Variants in SYNDIG1L observed in about 807,000 individuals in gnomAD.
SYNDIG1L encodes synapse differentiation inducing 1 like, also known as synapse differentiation-inducing gene protein 1-like.
A neutral mutation model predicts 20.1 loss-of-function variants in SYNDIG1L; 13 were observed. The ratio of observed to expected loss-of-function variants is 0.65; its 90% CI spans 0.42 to 1.03. The LOEUF (loss-of-function observed/expected upper bound fraction) is 1.03, where lower values mean the gene tolerates loss of function less well. Ranked by LOEUF, SYNDIG1L falls within the 50% of genes least tolerant of loss-of-function variation. The pLI is 0.00. For synonymous variants in SYNDIG1L, 128 were observed against 129.3 expected (o/e 0.99, Z 0.07); for missense variants, 294 against 305.1 (o/e 0.96, Z 0.27).
chr14:74,427,118 C>CT (rs34437070), upstream of SYNDIG1L, among the ~76,000 whole-genome samples: 4,120 of 116,718 alleles, frequency 0.035, 215 homozygotes, highest in East Asian at 0.12. Context: ...CCTGCGTTTC[C>CT]TTTTTTTTTT....
Position 74,409,580 on chromosome 14 carries a change from C to T in SYNDIG1L, c.165G>A (p.Leu55=). Residue 55 remains leucine, a synonymous_variant, in exon 2 of 4, where the codon CTG becomes CTA. Transcript: ENST00000331628. ...CGGCCAGCTGCAGGGACCCTGGGTC[C>T]AGGAGCTGGTGGGCTCCGGCAGGCC... is the stretch of plus-strand genomic sequence containing the variant. ...GAGPAGAHQL[L]DPGSLQLAVE... The T allele has an allele frequency of 6.6e-7, 1 of 1,512,918 alleles. No homozygotes were observed. The highest frequency in any genetic ancestry group is 8.8e-7 in the Non-Finnish European group (1 of 1,131,658). The allele number at this position is 1,512,918 out of a possible 1,614,324, so 93.7% of individuals were successfully genotyped here.
At chr14:74,458,261 T>C in the SYNDIG1L span, among the ~76,000 whole-genome samples, 74 of 152,136 alleles carry the variant, frequency 4.9e-4, no homozygotes, top group Admixed American at 8.5e-4. Flanking sequence ...TCAAATATGA[T>C]TGCCCCTAAG....
At chr14:74,431,616 C>T in the SYNDIG1L span, among the ~76,000 whole-genome samples, 14 of 151,974 alleles carry the variant, frequency 9.2e-5, no homozygotes, top group Admixed American at 8.5e-4. Context: ...GATTTGAAGC[C>T]GGGTCTGTGT....
the SYNDIG1L span, among the ~76,000 whole-genome samples, chr14:74,471,319 CA>C: frequency 6.6e-6 from 1 of 152,070 alleles, no homozygotes; most frequent in Non-Finnish European, 1.5e-5. Flanking sequence ...ATTAACAGGC[CA>C]GGCATGGTGG....
Position 74,407,685 on chromosome 14 carries a change from C to T in SYNDIG1L, c.567G>A (p.Lys189=), listed in dbSNP as rs371961394. Residue 189 remains lysine, a synonymous_variant, in exon 4 of 4, where the codon AAG becomes AAA. Transcript: ENST00000331628. The part of the protein sequence containing the change: ...AAFYFSQGTS[K]AISKGDFRLA... The stretch of plus-strand genomic sequence containing the variant: ...GGCGGAAGTCCCCTTTGGAGATGGC[C>T]TTGCTGGTCTAGGGAGAGAGACATG... 1.2e-6 allele frequency: 2 copies of T among 1,605,912 alleles called. No individual in the cohort carries two copies. Among genetic ancestry groups the T allele is most frequent in the African/African-American group, 1.3e-5 (1 of 74,850 alleles).
At chr14:74,415,664 C>G (rs2086168465) in intron 1 of SYNDIG1L, among the ~76,000 whole-genome samples, 2 of 152,036 alleles carry the variant, frequency 1.3e-5, no homozygotes, top group Non-Finnish European at 2.9e-5. Context: ...CTCAACCTCC[C>G]AGGTAGCTGG....
intron 1 of SYNDIG1L, among the ~76,000 whole-genome samples, chr14:74,413,148 A>G (rs542408645): frequency 1.3e-5 from 2 of 152,252 alleles, no homozygotes; most frequent in South Asian, 2.1e-4. Flanking sequence ...TCTTCCCCCT[A>G]TTCCCCCATC....
the SYNDIG1L span, chr14:74,476,641 G>C: frequency 1.5e-5 from 22 of 1,426,740 alleles, no homozygotes; most frequent in Non-Finnish European, 2.0e-5. Flanking sequence ...GTCGAGAGGA[G>C]CTGGCCGGAT....
At chr14:74,469,194 C>T in the SYNDIG1L span, among the ~76,000 whole-genome samples, 1 of 152,064 alleles carries the variant, frequency 6.6e-6, no homozygotes, top group Admixed American at 6.5e-5. Flanking sequence ...ATGACAGTGA[C>T]ACATTGCAGA....
intron 1 of SYNDIG1L, among the ~76,000 whole-genome samples, chr14:74,414,560 G>C (rs2086159505): frequency 6.6e-6 from 1 of 152,210 alleles, no homozygotes; most frequent in Admixed American, 6.5e-5. Context: ...CTCCTGCTGA[G>C]TCCAATTGCA....
chr14:74,462,043 AC>A, the SYNDIG1L span, among the ~76,000 whole-genome samples: 30 of 139,302 alleles, frequency 2.2e-4, no homozygotes, highest in African/African-American at 7.3e-4. Flanking sequence ...CCGAGTTCAA[AC>A]CACTGCACTC....
the SYNDIG1L span, among the ~76,000 whole-genome samples, chr14:74,465,067 C>A: frequency 2.0e-5 from 3 of 152,206 alleles, no homozygotes; most frequent in Non-Finnish European, 4.4e-5. Context: ...TCCCTGGGCA[C>A]TCTCCCCAAA....
chr14:74,414,011 A>ACACAG (rs1168459377), intron 1 of SYNDIG1L, among the ~76,000 whole-genome samples: 1 of 152,192 alleles, frequency 6.6e-6, no homozygotes, highest in Non-Finnish European at 1.5e-5. Context: ...AGGTCCCCAG[A>ACACAG]CACAGCCTTC....
At chr14:74,426,347 C>A (rs2086266316), upstream of SYNDIG1L, among the ~76,000 whole-genome samples, 1 of 151,756 alleles carries the variant, frequency 6.6e-6, no homozygotes, top group Non-Finnish European at 1.5e-5. Context: ...CGGGGCGGGG[C>A]GGGGCGGGAA....
At chr14:74,427,406 G>C (rs1031116474), upstream of SYNDIG1L, among the ~76,000 whole-genome samples, 1 of 152,034 alleles carries the variant, frequency 6.6e-6, no homozygotes, top group Non-Finnish European at 1.5e-5. Context: ...CACATAGCAT[G>C]GTGGACTCCA....
At chr14:74,442,165 G>A in the SYNDIG1L span, among the ~76,000 whole-genome samples, 3 of 151,242 alleles carry the variant, frequency 2.0e-5, no homozygotes, top group African/African-American at 4.9e-5. Flanking sequence ...AATGTTCACC[G>A]TGAGCCAGGC....
chr14:74,407,697 G>C lies in SYNDIG1L; in HGVS notation c.559-4C>G. The C allele has an allele frequency of 6.3e-7, 1 of 1,599,614 alleles. No individual in the cohort carries two copies. Among genetic ancestry groups the C allele is most frequent in the Non-Finnish European group, 8.5e-7 (1 of 1,172,244 alleles). The stretch of plus-strand genomic sequence containing the variant: ...CTTTGGAGATGGCCTTGCTGGTCTA[G>C]GGAGAGAGACATGCTGATGAACAGG... On this transcript the variant is annotated splice_polypyrimidine_tract_variant and splice_region_variant and intron_variant, in intron 3 of 3. Coordinates refer to ENST00000331628, the MANE Select transcript of SYNDIG1L (RefSeq NM_001105579.2).
the SYNDIG1L span, among the ~76,000 whole-genome samples, chr14:74,437,935 T>C: frequency 6.6e-6 from 1 of 152,160 alleles, no homozygotes; most frequent in East Asian, 1.9e-4. Context: ...CAGATGACCC[T>C]GCGATGAATG....
At chr14:74,444,814 A>C in the SYNDIG1L span, among the ~76,000 whole-genome samples, 2,010 of 152,296 alleles carry the variant, frequency 0.013, 39 homozygotes, top group African/African-American at 0.047. Context: ...TATTGACCTC[A>C]GAAACCAACT....
Sources: gnomAD v4.1 joint callset for allele counts (sites outside exome capture counted in the v4.1 genomes callset) on GRCh38, gnomAD v4.1.1 for gene constraint, MANE v1.5 for transcripts, NCBI Gene and HGNC (gene_info 2026-07-23, HGNC 2026-07-21) for gene names.